The following TBC1D4 variants were observed in gnomAD, a reference collection of about 807,000 sequenced individuals.
The protein encoded by TBC1D4 is TBC (Tre-2, BUB2, CDC16) domain-containing protein.
TBC1D4 carries 121 observed loss-of-function variants against 142.5 expected under a neutral mutation model. The observed-to-expected ratio is 0.85, with a 90% CI of 0.73 to 0.99. TBC1D4 has a LOEUF of 0.99. TBC1D4 is among the 50% of genes least tolerant of loss of function. The probability of loss-of-function intolerance (pLI) is 0.00; values close to 1 mark genes in which losing one functional copy is unlikely to be tolerated. For missense variants in TBC1D4, 1,475 were observed against 1,606.6 expected (o/e 0.92, Z 1.40); for synonymous variants, 630 against 628.2 (o/e 1.00, Z -0.04).
intron 5 of TBC1D4, among the ~76,000 whole-genome samples, chr13:75,343,757 C>A (rs1593761686): frequency 6.6e-6 from 1 of 152,342 alleles, no homozygotes; most frequent in Non-Finnish European, 1.5e-5. Context: ...CTCAGGTGAT[C>A]TGCCCACCTC....
At chr13:75,385,908 AT>A (rs1884139367) in intron 1 of TBC1D4, among the ~76,000 whole-genome samples, 1 of 152,220 alleles carries the variant, frequency 6.6e-6, no homozygotes, top group Admixed American at 6.5e-5. Flanking sequence ...AGACTATGAG[AT>A]TAGAACAGAA....
intron 8 of TBC1D4, among the ~76,000 whole-genome samples, chr13:75,332,963 A>G (rs1191983536): frequency 6.6e-6 from 1 of 152,240 alleles, no homozygotes; most frequent in Non-Finnish European, 1.5e-5. Flanking sequence ...CTATTTAACT[A>G]AACATATTCT....
rs1470146441 is a variant in TBC1D4 at position 75,379,885 on chromosome 13, CTCTTTTTTTTT to C, written c.499-17289_499-17279del. ...AAGTATATCAGTTTTGTTCATCTGA[CTCTTTTTTTTT>C]TTTTTTTTTTTTTTTTTTTTTTTTT... On this transcript the variant is annotated intron_variant, in intron 1 of 20. Coordinates refer to ENST00000377636, the MANE Select transcript of TBC1D4 (RefSeq NM_014832.5). Among the ~76,000 whole-genome samples the C allele has an allele frequency of 4.3e-3, 419 of 98,546 alleles. 32 individuals are homozygous for C. Among genetic ancestry groups the C allele is most frequent in the African/African-American group, 0.014 (383 of 27,826 alleles). The allele number at this position is 98,546 out of a possible 152,430, so 64.7% of individuals were successfully genotyped here. A position where few individuals can be genotyped will look rare whatever the true frequency, so the allele number is the denominator to read the frequency against.
rs1888893266 is a variant in TBC1D4 at position 75,481,709 on chromosome 13, G to A, written c.59C>T (p.Pro20Leu). ...EPFPHPLEPE[P>L]GVSAQPGPGK... ...GGGGCCGGGCTGAGCTGAGACGCCC[G>A]GCTCGGGCTCCAGGGGGTGCGGGAA... is the stretch of plus-strand genomic sequence containing the variant. Residue 20 changes from proline (P) to leucine (L), a missense_variant, in exon 1 of 21, where the codon CCG becomes CTG. Pro to Leu is a moderately conservative substitution (Grantham distance 98). This residue lies in a region of TBC1D4 where 1,227 missense variants were observed against 1,267.7 expected (regional missense o/e 0.97). Transcript: ENST00000377636. The A allele has an allele frequency of 6.3e-7, 1 of 1,596,284 alleles. No individual in the cohort carries two copies. The highest frequency in any genetic ancestry group is 8.5e-7 in the Non-Finnish European group (1 of 1,173,594).
intron 12 of TBC1D4, among the ~76,000 whole-genome samples, chr13:75,319,588 T>A (rs994796985): frequency 6.6e-6 from 1 of 152,226 alleles, no homozygotes; most frequent in African/African-American, 2.4e-5. Flanking sequence ...AATAATCCTC[T>A]TCAGTTGAAA....
chr13:75,320,684 T>C (rs1878676024), intron 11 of TBC1D4, among the ~76,000 whole-genome samples: 1 of 151,868 alleles, frequency 6.6e-6, no homozygotes, highest in Non-Finnish European at 1.5e-5. Context: ...GTCCTGGAAA[T>C]GGATGCCTAA....
intron 1 of TBC1D4, among the ~76,000 whole-genome samples, chr13:75,472,181 T>G (rs1888437909): frequency 6.6e-6 from 1 of 151,776 alleles, no homozygotes. Flanking sequence ...TCCCAGCATT[T>G]TGGGAGGCTG....
intron 1 of TBC1D4, among the ~76,000 whole-genome samples, chr13:75,392,792 C>T (rs1566454512): frequency 6.6e-6 from 1 of 152,106 alleles, no homozygotes; most frequent in Non-Finnish European, 1.5e-5. Flanking sequence ...TGCGCCACCA[C>T]ACCAGCTAAT....
At chr13:75,321,603 T>G (rs1282139953) in intron 11 of TBC1D4, among the ~76,000 whole-genome samples, 1 of 152,176 alleles carries the variant, frequency 6.6e-6, no homozygotes, top group African/African-American at 2.4e-5. Context: ...AATTCTCCAA[T>G]CTTCTAACTT....
intron 3 of TBC1D4, 149 bp downstream of exon 3, chr13:75,359,620 C>T (rs1294422478): frequency 1.6e-6 from 1 of 637,620 alleles, no homozygotes; most frequent in East Asian, 2.8e-5. Flanking sequence ...AACCCAGGAG[C>T]CCTTAGTTTA....
intron 1 of TBC1D4, among the ~76,000 whole-genome samples, chr13:75,418,229 C>T (rs950232531): frequency 5.3e-5 from 8 of 151,990 alleles, no homozygotes; most frequent in South Asian, 2.1e-4. Flanking sequence ...TAAGCCCCAC[C>T]GATATAGCAT....
chr13:75,465,494 G>A (rs1262493809), intron 1 of TBC1D4, among the ~76,000 whole-genome samples: 2 of 152,196 alleles, frequency 1.3e-5, no homozygotes, highest in Non-Finnish European at 2.9e-5. Flanking sequence ...CATGTCACAT[G>A]ACTAATTACA....
chr13:75,288,816 C>T, intron 20 of TBC1D4, 118 bp downstream of exon 20: 1 of 1,087,424 alleles, frequency 9.2e-7, no homozygotes, highest in South Asian at 1.3e-5. Flanking sequence ...CAGTCTGATA[C>T]ATGGGCTCTT....
chr13:75,355,936 C>G (rs960206770), intron 4 of TBC1D4, among the ~76,000 whole-genome samples: 3 of 152,180 alleles, frequency 2.0e-5, no homozygotes, highest in Admixed American at 6.5e-5. Flanking sequence ...GTTTATTAAA[C>G]CCACAAAAGT....
intron 10 of TBC1D4, among the ~76,000 whole-genome samples, chr13:75,325,074 G>A (rs1243684818): frequency 6.6e-6 from 1 of 152,004 alleles, no homozygotes; most frequent in Non-Finnish European, 1.5e-5. Context: ...GAAGGATTGA[G>A]ATATTTATAG....
At chr13:75,471,795 G>T (rs1404269195) in intron 1 of TBC1D4, among the ~76,000 whole-genome samples, 3 of 150,222 alleles carry the variant, frequency 2.0e-5, no homozygotes, top group East Asian at 2.0e-4. Flanking sequence ...CTGCCTACCT[G>T]CCTCAAATTA....
At chr13:75,352,673 A>T (rs1389275193) in intron 4 of TBC1D4, among the ~76,000 whole-genome samples, 3 of 152,206 alleles carry the variant, frequency 2.0e-5, no homozygotes, top group Non-Finnish European at 4.4e-5. Context: ...GACAGGAGAA[A>T]AGGAAGAATT....
At chr13:75,472,348 G>A (rs552232792) in intron 1 of TBC1D4, among the ~76,000 whole-genome samples, 15 of 152,262 alleles carry the variant, frequency 9.9e-5, no homozygotes, top group African/African-American at 3.1e-4. Context: ...GAACCTGGGA[G>A]GCGGAGGTTG....
intron 1 of TBC1D4, among the ~76,000 whole-genome samples, chr13:75,363,543 C>A (rs1223636012): frequency 6.6e-6 from 1 of 152,216 alleles, no homozygotes; most frequent in Non-Finnish European, 1.5e-5. Flanking sequence ...TCCCTCCCTG[C>A]TTTGAGTCTT....
Sources: gnomAD v4.1 joint callset for allele counts (sites outside exome capture counted in the v4.1 genomes callset) on GRCh38, gnomAD v4.1.1 for gene constraint, gnomAD v4.1.1 regional missense constraint, MANE v1.5 for transcripts, NCBI Gene and HGNC (gene_info 2026-07-23, HGNC 2026-07-21) for gene names.